KMT2C: variants seen among roughly 807,000 people sequenced by gnomAD.
The protein encoded by KMT2C is histone-lysine N-methyltransferase 2C.
In KMT2C, 88 loss-of-function variants were observed where a neutral mutation model predicts 507.9. That is an observed-to-expected ratio of 0.17 (90% CI 0.15 to 0.21). The LOEUF is 0.21. Among genes scored for constraint, KMT2C ranks in the 10% least tolerant of loss-of-function variants. The pLI is 1.00. For missense variants in KMT2C, 4,954 were observed against 5,957.8 expected (o/e 0.83, Z 5.55); for synonymous variants, 2,049 against 2,080.8 (o/e 0.98, Z 0.42).
At position 152,144,906 on chromosome 7, in the gene KMT2C, GA is replaced by G; in HGVS notation, c.14175-26del. On this transcript the variant is annotated intron_variant, in intron 54 of 58. Transcript: ENST00000262189. The surrounding 1 kb of genome is among the most constrained non-coding windows in gnomAD (Gnocchi z 4.4). ...CCTGCAGACAATGGCATATCAACAG[GA>G]AAAAAATACAAGGAAAACTGAAGAT... 1.3e-6 allele frequency: 2 copies of G among 1,582,912 alleles called. No individual in the cohort carries two copies. Among genetic ancestry groups the G allele is most frequent in the Non-Finnish European group, 8.6e-7 (1 of 1,161,756 alleles).
rs59181675 is a variant in KMT2C at position 152,377,734 on chromosome 7, CA to C, written c.162-19060del. 7.6e-3 allele frequency among the ~76,000 whole-genome samples: 473 copies of C among 62,622 alleles called. 1 individual carries two copies. Among genetic ancestry groups the C allele is most frequent in the Middle Eastern group, 0.018 (2 of 112 alleles). The allele number at this position is 62,622 out of a possible 152,430, so 41.1% of individuals were successfully genotyped here. A position where few individuals can be genotyped will look rare whatever the true frequency, so the allele number is the denominator to read the frequency against. On this transcript the variant is annotated intron_variant, in intron 1 of 58. Coordinates refer to ENST00000262189, the MANE Select transcript of KMT2C (RefSeq NM_170606.3). ...AGGGCGACAAAGCGAGACTCCGTCT[CA>C]AAAAAAAAAAAAAAAAAAAGTGATT... is the stretch of plus-strand genomic sequence containing the variant.
At position 152,181,372 on chromosome 7, in the gene KMT2C, G is replaced by A; in HGVS notation, c.6488C>T (p.Pro2163Leu). 2 of 1,614,072 alleles carry A rather than the reference G, an allele frequency of 1.2e-6. No homozygotes were observed. Among genetic ancestry groups the A allele is most frequent in the Middle Eastern group, 1.6e-4 (1 of 6,062 alleles). Reference protein sequence around the residue: ...RSNTDPYSQPPGTPRPTTVDP... With the variant: ...RSNTDPYSQPLGTPRPTTVDP... ...AACAGTAGTAGGCCGGGGAGTTCCA[G>A]GAGGTTGAGAGTAAGGGTCTGTATT... The change falls in exon 36 of 59, where the codon CCT becomes CTT. Residue 2163 changes from proline to leucine, a missense_variant. This residue lies in a region of KMT2C where 1,689 missense variants were observed against 1,654.3 expected (regional missense o/e 1.02). Coordinates refer to ENST00000262189, the MANE Select transcript of KMT2C (RefSeq NM_170606.3).
At chr7:152,271,212 A>G (rs2095960637) in intron 7 of KMT2C, among the ~76,000 whole-genome samples, 1 of 152,238 alleles carries the variant, frequency 6.6e-6, no homozygotes, top group African/African-American at 2.4e-5. Context: ...AACTTCTGCC[A>G]TGACACACAA....
At chr7:152,190,970 TCAC>T (rs1257458638) in intron 31 of KMT2C, among the ~76,000 whole-genome samples, 1 of 152,142 alleles carries the variant, frequency 6.6e-6, no homozygotes. Context: ...CTCAAATCTC[TCAC>T]CACTTTTTTT....
intron 3 of KMT2C, among the ~76,000 whole-genome samples, chr7:152,319,579 T>A (rs1401524380): frequency 6.6e-6 from 1 of 151,862 alleles, no homozygotes; most frequent in East Asian, 1.9e-4. Context: ...CTAAACTCTT[T>A]TAGAGTTTAG....
Position 152,323,859 on chromosome 7 carries a change from G to T in KMT2C, c.389+6742C>A, listed in dbSNP as rs896376827. ...TGGGGAGAGAGAGAGAGAGAGAAGCGGGAGGGACCTGTCATCTGCAACAAC... is the reference window on the plus strand; with the variant it reads ...TGGGGAGAGAGAGAGAGAGAGAAGCTGGAGGGACCTGTCATCTGCAACAAC... On this transcript the variant is annotated intron_variant, in intron 3 of 58. Coordinates refer to ENST00000262189, the MANE Select transcript of KMT2C (RefSeq NM_170606.3). 2.7e-5 allele frequency among the ~76,000 whole-genome samples: 4 copies of T among 150,756 alleles called. No individual in the cohort carries two copies. In the East Asian group the frequency reaches 5.9e-4, roughly 22 times the overall value.
intron 6 of KMT2C, among the ~76,000 whole-genome samples, chr7:152,299,714 A>T (rs1426407831): frequency 1.3e-5 from 2 of 151,644 alleles, no homozygotes; most frequent in African/African-American, 4.8e-5. Context: ...AACATATAAG[A>T]AGACAATCAC....
rs765198152 is a variant in KMT2C, at chr7:152,207,349, C to A, written c.3792G>T (p.Val1264=). The A allele has an allele frequency of 1.9e-6, 3 of 1,611,038 alleles. No individual in the cohort carries two copies. The highest frequency in any genetic ancestry group is 2.5e-6 in the Non-Finnish European group (3 of 1,178,358). ...TCTTTTTGACACCATCTGTTCCTTC[C>A]ACTCCCTTAGTTTCATCATCCACAG... The part of the protein sequence containing the change: ...REAVDDETKG[V]EGTDGVKKRK... The change falls in exon 24 of 59, where the codon GTG becomes GTT. Residue 1264 remains valine (V), a synonymous_variant. Coordinates refer to ENST00000262189, the MANE Select transcript of KMT2C (RefSeq NM_170606.3).
chr7:152,306,727 G>T (rs775119779), intron 6 of KMT2C, among the ~76,000 whole-genome samples: 1 of 152,198 alleles, frequency 6.6e-6, no homozygotes, highest in African/African-American at 2.4e-5. Context: ...AGCAAAGAAT[G>T]AGAGTACCTG....
In KMT2C at chr7:152,154,135, T is replaced by C. The variant is rs777339684; in HGVS notation, c.12151A>G (p.Arg4051Gly). 85 of 1,614,036 alleles carry C rather than the reference T, an allele frequency of 5.3e-5. No homozygotes were observed. Among genetic ancestry groups the C allele is most frequent in the Non-Finnish European group, 7.1e-5 (84 of 1,180,022 alleles). The part of the protein sequence containing the change: ...PSTAGKSSES[R>G]RNDIKTEPGT... ...GGCTCAGTTTTGATGTCATTCCTTC[T>C]TGATTCTGAACCTTTAAAAAGAGAG... Residue 4051 changes from arginine (R) to glycine (G), a missense_variant, in exon 48 of 59, where the codon AGA (arginine) becomes GGA (glycine). Coordinates refer to ENST00000262189, the MANE Select transcript of KMT2C (RefSeq NM_170606.3).
At chr7:152,316,403 A>C (rs189176810) in intron 3 of KMT2C, among the ~76,000 whole-genome samples, 1 of 152,190 alleles carries the variant, frequency 6.6e-6, no homozygotes, top group African/African-American at 2.4e-5. Flanking sequence ...CTCTAAGTCT[A>C]TTAATAAAAA....
intron 3 of KMT2C, among the ~76,000 whole-genome samples, chr7:152,326,350 TTTCCAAAAA>T (rs2096828289): frequency 6.6e-6 from 1 of 152,140 alleles, no homozygotes; most frequent in Non-Finnish European, 1.5e-5. Context: ...ATCCTTAATC[TTTCCAAAAA>T]GTTTTATAAT....
chr7:152,327,055 T>C (rs547326184), intron 3 of KMT2C, among the ~76,000 whole-genome samples: 1 of 152,322 alleles, frequency 6.6e-6, no homozygotes, highest in East Asian at 1.9e-4. Flanking sequence ...ATTCACTCTG[T>C]CCTGTCTAAT....
intron 1 of KMT2C, among the ~76,000 whole-genome samples, chr7:152,429,959 C>T (rs1177632626): frequency 6.6e-6 from 1 of 151,916 alleles, no homozygotes; most frequent in Non-Finnish European, 1.5e-5. Context: ...AGGCAGATCA[C>T]CTGAGGTCAG....
At chr7:152,205,526 A>AT (rs2094283603) in intron 24 of KMT2C, among the ~76,000 whole-genome samples, 1 of 152,040 alleles carries the variant, frequency 6.6e-6, no homozygotes, top group Non-Finnish European at 1.5e-5. Flanking sequence ...TGGCTTATCT[A>AT]TTTGACAAAT....
intron 2 of KMT2C, among the ~76,000 whole-genome samples, chr7:152,342,305 C>T (rs570078620): frequency 6.6e-5 from 10 of 151,768 alleles, no homozygotes; most frequent in Middle Eastern, 3.2e-3. Context: ...ATATTAAATC[C>T]GATAGTTTTA....
At chr7:152,423,565 AC>A (rs1471108303) in intron 1 of KMT2C, among the ~76,000 whole-genome samples, 4 of 152,228 alleles carry the variant, frequency 2.6e-5, no homozygotes, top group African/African-American at 9.6e-5. Flanking sequence ...AAAGGCCACA[AC>A]CTAGAAATGT....
chr7:152,343,899 T>A lies in KMT2C; in HGVS notation c.251-13160A>T, dbSNP rs192227716. Among the ~76,000 whole-genome samples, 99 of 152,196 alleles carry A rather than the reference T, an allele frequency of 6.5e-4. 1 individual carries two copies. Among genetic ancestry groups the A allele is most frequent in the African/African-American group, 2.1e-3 (89 of 41,508 alleles). ...CCTACCTTGCAAGAAATGTTAAAAG[T>A]CCTTCAGAGAGAACAAGAACGGTAC... is the stretch of plus-strand genomic sequence containing the variant. On this transcript the variant is annotated intron_variant, in intron 2 of 58. Transcript: ENST00000262189.
At chr7:152,289,095 G>A (rs1380994133) in intron 6 of KMT2C, among the ~76,000 whole-genome samples, 3 of 152,300 alleles carry the variant, frequency 2.0e-5, no homozygotes, top group African/African-American at 4.8e-5. Context: ...CCTGAAGGAA[G>A]AAAGAACAAA....
Sources: allele counts gnomAD v4.1 joint callset (sites outside exome capture counted in the v4.1 genomes callset), GRCh38; gene constraint gnomAD v4.1.1; regional missense constraint gnomAD v4.1.1; non-coding constraint Gnocchi (gnomAD v3.1); transcripts MANE v1.5; gene names NCBI Gene and HGNC (gene_info 2026-07-23, HGNC 2026-07-21).